The following AMBRA1 variants were observed in gnomAD, a reference collection of about 807,000 sequenced individuals.
AMBRA1 encodes the protein activating molecule in BECN1-regulated autophagy protein 1.
In AMBRA1, 47 loss-of-function variants were observed where a neutral mutation model predicts 125.4. The observed-to-expected ratio is 0.37, with a 90% CI of 0.30 to 0.48. The LOEUF is 0.48. Among genes scored for constraint, AMBRA1 ranks in the 20% least tolerant of loss-of-function variants. The pLI is 0.99. For missense variants in AMBRA1, 1,331 were observed against 1,693.4 expected, an observed-to-expected ratio of 0.79 and a Z score of 3.76; for synonymous variants, 626 against 655.5, an observed-to-expected ratio of 0.95 and a Z score of 0.69.
intron 1 of AMBRA1, among the ~76,000 whole-genome samples, chr11:46,592,905 T>A (rs959156678): frequency 6.6e-6 from 1 of 152,090 alleles, no homozygotes; most frequent in African/African-American, 2.4e-5. Context: ...ACCATAGTTA[T>A]AAGATTTCCA....
At chr11:46,507,886 G>A (rs1951113566) in intron 9 of AMBRA1, among the ~76,000 whole-genome samples, 1 of 152,152 alleles carries the variant, frequency 6.6e-6, no homozygotes, top group African/African-American at 2.4e-5. Flanking sequence ...ACGGTCACTG[G>A]ACATGCAAAA....
chr11:46,509,386 G>A (rs922064041), intron 8 of AMBRA1, among the ~76,000 whole-genome samples: 1 of 152,056 alleles, frequency 6.6e-6, no homozygotes, highest in Non-Finnish European at 1.5e-5. Flanking sequence ...ATATTAAATG[G>A]ATTACTAAAA....
At chr11:46,570,012 A>G (rs1186880355) in intron 1 of AMBRA1, among the ~76,000 whole-genome samples, 2 of 151,304 alleles carry the variant, frequency 1.3e-5, no homozygotes, top group Non-Finnish European at 2.9e-5. Context: ...CTGTAATCCC[A>G]GCACTTTGGG....
intron 1 of AMBRA1, among the ~76,000 whole-genome samples, chr11:46,561,582 A>C (rs1443668271): frequency 6.6e-6 from 1 of 152,186 alleles, no homozygotes; most frequent in Non-Finnish European, 1.5e-5. Context: ...CTTTTCCTTC[A>C]GATAGTACCA....
intron 14 of AMBRA1, 147 bp downstream of exon 14, chr11:46,433,327 G>A: frequency 1.0e-6 from 1 of 965,512 alleles, no homozygotes; most frequent in Non-Finnish European, 1.4e-6. Context: ...TGCTGGTCAT[G>A]GATGGGCTTG....
intron 1 of AMBRA1, among the ~76,000 whole-genome samples, chr11:46,583,677 A>AAAAAAAAAAAAAAAAAAC (rs1565324615): frequency 4.2e-5 from 6 of 143,902 alleles, no homozygotes; most frequent in African/African-American, 1.3e-4. Flanking sequence ...AAAAAAAAAA[A>AAAAAAAAAAAAAAAAAAC]AACAACAAAA....
intron 11 of AMBRA1, among the ~76,000 whole-genome samples, chr11:46,444,170 T>C (rs1948162216): frequency 6.6e-6 from 1 of 152,198 alleles, no homozygotes; most frequent in Non-Finnish European, 1.5e-5. Context: ...GTAATATTCA[T>C]TCATCTCTTC....
chr11:46,439,421 G>A (rs1188391710), intron 12 of AMBRA1, among the ~76,000 whole-genome samples: 1 of 152,168 alleles, frequency 6.6e-6, no homozygotes, highest in Non-Finnish European at 1.5e-5. Context: ...ATAGTATGAT[G>A]AAGATGACAT....
intron 1 of AMBRA1, among the ~76,000 whole-genome samples, chr11:46,584,257 G>A (rs1156362650): frequency 3.4e-5 from 5 of 147,272 alleles, no homozygotes; most frequent in African/African-American, 1.0e-4. Flanking sequence ...ATCATTCTCA[G>A]TAAACTATCA....
intron 7 of AMBRA1, among the ~76,000 whole-genome samples, chr11:46,513,915 G>C (rs1211668049): frequency 6.7e-6 from 1 of 149,352 alleles, no homozygotes; most frequent in African/African-American, 2.5e-5. Context: ...ACAAGGGCCA[G>C]TCAGAACACG....
At chr11:46,460,733 T>C (rs562593505) in intron 11 of AMBRA1, among the ~76,000 whole-genome samples, 2 of 152,254 alleles carry the variant, frequency 1.3e-5, no homozygotes, top group Non-Finnish European at 2.9e-5. Flanking sequence ...TGTGAAGTGG[T>C]AAAGATAATC....
intron 1 of AMBRA1, among the ~76,000 whole-genome samples, chr11:46,571,445 CAGA>C (rs2043752278): frequency 6.6e-6 from 1 of 152,190 alleles, no homozygotes; most frequent in South Asian, 2.1e-4. Context: ...GGAGGCAAAG[CAGA>C]AGGAGTGTTT....
intron 7 of AMBRA1, among the ~76,000 whole-genome samples, chr11:46,522,914 A>G (rs923087221): frequency 1.3e-5 from 2 of 152,234 alleles, no homozygotes; most frequent in African/African-American, 2.4e-5. Context: ...CAAACACTAT[A>G]TAATAGGAAG....
At chr11:46,536,071 AC>A (rs781685241) in intron 7 of AMBRA1, among the ~76,000 whole-genome samples, 1 of 152,248 alleles carries the variant, frequency 6.6e-6, no homozygotes, top group Non-Finnish European at 1.5e-5. Flanking sequence ...TCTCTGTAAG[AC>A]CAAATGATGG....
chr11:46,588,821 A>G (rs2044494860), intron 1 of AMBRA1, among the ~76,000 whole-genome samples: 2 of 151,696 alleles, frequency 1.3e-5, no homozygotes, highest in Admixed American at 1.3e-4. Context: ...TTACTTTTCC[A>G]TTCTTTAAAT....
chr11:46,590,242 G>A (rs932952297), intron 1 of AMBRA1, among the ~76,000 whole-genome samples: 4 of 151,622 alleles, frequency 2.6e-5, no homozygotes, highest in Non-Finnish European at 5.9e-5. Flanking sequence ...GCGGTGGTGC[G>A]CACCTGTAGT....
intron 11 of AMBRA1, among the ~76,000 whole-genome samples, chr11:46,480,572 T>G (rs530691920): frequency 6.6e-6 from 1 of 152,318 alleles, no homozygotes; most frequent in South Asian, 2.1e-4. Context: ...CATGTGTACC[T>G]TAAAAGCAAC....
intron 1 of AMBRA1, among the ~76,000 whole-genome samples, chr11:46,590,891 C>T (rs1376053141): frequency 1.4e-5 from 2 of 145,504 alleles, no homozygotes; most frequent in Admixed American, 7.1e-5. Flanking sequence ...CAAGCCTGGG[C>T]GGCAGAGTGA....
chr11:46,516,241 A>G (rs1000482738), intron 7 of AMBRA1, among the ~76,000 whole-genome samples: 2 of 152,186 alleles, frequency 1.3e-5, no homozygotes, highest in Middle Eastern at 3.4e-3. Context: ...AGGAAAGCCA[A>G]TCACCATGAA....
Sources: allele counts gnomAD v4.1 joint callset (sites outside exome capture counted in the v4.1 genomes callset), GRCh38; gene constraint gnomAD v4.1.1; transcripts MANE v1.5; gene names NCBI Gene and HGNC (gene_info 2026-07-23, HGNC 2026-07-21).